The following QTMAN variants were observed in gnomAD, a reference collection of about 807,000 sequenced individuals.
QTMAN encodes the protein tRNA-queuosine alpha-mannosyltransferase.
At chr2:144,312,984 A>C in the QTMAN span, among the ~76,000 whole-genome samples, 1 of 150,134 alleles carries the variant, frequency 6.7e-6, no homozygotes, top group Non-Finnish European at 1.5e-5. Flanking sequence ...TGAAAATGGG[A>C]CTATGATCAC....
At chr2:144,007,562 C>A in the QTMAN span, 1 of 1,438,602 alleles carries the variant, frequency 7.0e-7, no homozygotes, top group South Asian at 1.5e-5. Context: ...ATGCAATATA[C>A]TTTTAGTGGA....
the QTMAN span, among the ~76,000 whole-genome samples, chr2:144,202,605 T>A: frequency 6.6e-6 from 1 of 152,200 alleles, no homozygotes; most frequent in African/African-American, 2.4e-5. Flanking sequence ...ATATTTTGCA[T>A]CCATTTGGGG....
the QTMAN span, among the ~76,000 whole-genome samples, chr2:144,118,283 T>A: frequency 0.044 from 6,718 of 152,258 alleles, 492 homozygotes; most frequent in African/African-American, 0.15. Flanking sequence ...CTCTGTAGCA[T>A]GCTATAAAAA....
chr2:144,093,648 A>G, the QTMAN span, among the ~76,000 whole-genome samples: 5 of 152,234 alleles, frequency 3.3e-5, no homozygotes, highest in African/African-American at 1.2e-4. Flanking sequence ...AGTTCTGCTA[A>G]TAACTACTGA....
chr2:144,145,323 T>C, the QTMAN span, among the ~76,000 whole-genome samples: 4 of 151,888 alleles, frequency 2.6e-5, no homozygotes, highest in East Asian at 1.9e-4. Context: ...TTTAATTCTA[T>C]TTTGAATGTT....
chr2:143,939,981 T>G, the QTMAN span: 1 of 152,214 alleles, frequency 6.6e-6, no homozygotes, highest in Non-Finnish European at 1.5e-5. Flanking sequence ...AAATGAAGCT[T>G]TCCAAGAGCT....
the QTMAN span, among the ~76,000 whole-genome samples, chr2:144,009,645 A>C: frequency 6.6e-6 from 1 of 152,172 alleles, no homozygotes; most frequent in Non-Finnish European, 1.5e-5. Flanking sequence ...AAAGAATGGT[A>C]CTAACCCCTT....
chr2:144,125,486 C>T, the QTMAN span, among the ~76,000 whole-genome samples: 4 of 152,034 alleles, frequency 2.6e-5, no homozygotes, highest in Admixed American at 1.3e-4. Flanking sequence ...TCCTTCACTT[C>T]GTACCCTAAC....
At chr2:144,130,794 G>C in the QTMAN span, among the ~76,000 whole-genome samples, 1 of 151,792 alleles carries the variant, frequency 6.6e-6, no homozygotes, top group Non-Finnish European at 1.5e-5. Context: ...CAGAAGACAT[G>C]GTATTGAAAC....
chr2:144,119,735 C>A, the QTMAN span, among the ~76,000 whole-genome samples: 1 of 152,236 alleles, frequency 6.6e-6, no homozygotes, highest in East Asian at 1.9e-4. Flanking sequence ...CAAAGAAAAT[C>A]ACAAATATAA....
chr2:144,105,899 G>C, the QTMAN span, among the ~76,000 whole-genome samples: 3 of 152,206 alleles, frequency 2.0e-5, no homozygotes, highest in Admixed American at 6.5e-5. Context: ...GACTAACAGT[G>C]AATCTCTTGG....
the QTMAN span, among the ~76,000 whole-genome samples, chr2:144,222,533 G>C: frequency 2.0e-5 from 3 of 151,830 alleles, no homozygotes; most frequent in Non-Finnish European, 4.4e-5. Flanking sequence ...GAGGCTGGGC[G>C]TGGTGGCTCA....
chr2:144,094,216 G>C, the QTMAN span, among the ~76,000 whole-genome samples: 2 of 152,232 alleles, frequency 1.3e-5, no homozygotes, highest in East Asian at 3.9e-4. Context: ...GAAGAGCTTT[G>C]CAAGTAAGGA....
the QTMAN span, among the ~76,000 whole-genome samples, chr2:144,248,075 T>G: frequency 6.6e-6 from 1 of 152,222 alleles, no homozygotes. Flanking sequence ...TAAGTTTTAA[T>G]TTAAAAGAAA....
chr2:144,198,809 T>C, the QTMAN span, among the ~76,000 whole-genome samples: 1 of 152,042 alleles, frequency 6.6e-6, no homozygotes, highest in Admixed American at 6.6e-5. Context: ...TAGAAAAAAA[T>C]TTGTCTGTCA....
the QTMAN span, among the ~76,000 whole-genome samples, chr2:144,314,116 G>A: frequency 6.6e-6 from 1 of 152,152 alleles, no homozygotes; most frequent in African/African-American, 2.4e-5. Flanking sequence ...ATAGTGATAT[G>A]ATTTGCAAGA....
chr2:144,063,483 A>C, the QTMAN span, among the ~76,000 whole-genome samples: 6 of 152,330 alleles, frequency 3.9e-5, no homozygotes, highest in African/African-American at 1.4e-4. Context: ...ATCAAGAGAA[A>C]ACATGGATTA....
the QTMAN span, among the ~76,000 whole-genome samples, chr2:144,118,994 G>C: frequency 6.6e-6 from 1 of 152,290 alleles, no homozygotes; most frequent in African/African-American, 2.4e-5. Context: ...TGGATGCCTT[G>C]TTGGCCCAAA....
At chr2:144,279,691 G>T in the QTMAN span, among the ~76,000 whole-genome samples, 1 of 152,078 alleles carries the variant, frequency 6.6e-6, no homozygotes, top group Non-Finnish European at 1.5e-5. Context: ...TTTGAACTTT[G>T]TCCACCAAGT....
Sources: allele counts gnomAD v4.1 joint callset (sites outside exome capture counted in the v4.1 genomes callset), GRCh38; gene constraint gnomAD v4.1.1; transcripts MANE v1.5; gene names NCBI Gene and HGNC (gene_info 2026-07-23, HGNC 2026-07-21).